The following C9 variants were observed in gnomAD, a reference collection of about 807,000 sequenced individuals.
C9 encodes complement component C9.
A neutral mutation model predicts 65.4 loss-of-function variants in C9; 63 were observed. The ratio of observed to expected loss-of-function variants is 0.96; its 90% CI spans 0.79 to 1.19. The LOEUF (loss-of-function observed/expected upper bound fraction) is 1.19, where lower values mean the gene tolerates loss of function less well. C9 is among the 50% of genes most tolerant of loss of function. The pLI, the probability that C9 is intolerant of heterozygous loss-of-function variation, is 0.00. For synonymous variants in C9, 229 were observed against 227.9 expected, an observed-to-expected ratio of 1.00 and a Z score of -0.04; for missense variants, 744 against 670.1, an observed-to-expected ratio of 1.11 and a Z score of -1.22.
At chr5:39,300,569 C>A (rs1753261354) in intron 9 of C9, among the ~76,000 whole-genome samples, 1 of 151,110 alleles carries the variant, frequency 6.6e-6, no homozygotes, top group Non-Finnish European at 1.5e-5. Flanking sequence ...ATGTGCATAC[C>A]AACAGAGACG....
chr5:39,299,072 C>G (rs977166612), intron 9 of C9, among the ~76,000 whole-genome samples: 3 of 151,850 alleles, frequency 2.0e-5, no homozygotes, highest in Non-Finnish European at 2.9e-5. Context: ...GTAAAACCTA[C>G]AGCTAACATC....
intron 1 of C9, among the ~76,000 whole-genome samples, chr5:39,353,574 G>T (rs1302040932): frequency 6.6e-6 from 1 of 152,152 alleles, no homozygotes; most frequent in African/African-American, 2.4e-5. Flanking sequence ...ACCTCCCCGT[G>T]TAATTTAGTT....
chr5:39,295,436 C>T (rs2111850866), intron 9 of C9, among the ~76,000 whole-genome samples: 1 of 151,506 alleles, frequency 6.6e-6, no homozygotes, highest in East Asian at 1.9e-4. Flanking sequence ...AAAAAGAATG[C>T]AAAAAGTCAA....
chr5:39,362,310 A>G (rs995828923), intron 1 of C9, among the ~76,000 whole-genome samples: 1 of 152,340 alleles, frequency 6.6e-6, no homozygotes, highest in South Asian at 2.1e-4. Flanking sequence ...CCTTTTAAAA[A>G]GGGGACATTT....
chr5:39,343,140 G>T (rs1047863915), intron 1 of C9, among the ~76,000 whole-genome samples: 1 of 152,100 alleles, frequency 6.6e-6, no homozygotes, highest in Non-Finnish European at 1.5e-5. Flanking sequence ...TCCAACTGAG[G>T]TACCGGGTTC....
chr5:39,314,792 T>G (rs1305837153), intron 6 of C9, among the ~76,000 whole-genome samples: 2 of 152,180 alleles, frequency 1.3e-5, no homozygotes, highest in African/African-American at 2.4e-5. Flanking sequence ...CCTACAGGCA[T>G]CCCTGCTTTC....
At chr5:39,336,890 G>A (rs1017460074) in intron 4 of C9, among the ~76,000 whole-genome samples, 2 of 151,980 alleles carry the variant, frequency 1.3e-5, no homozygotes, top group East Asian at 3.8e-4. Flanking sequence ...AGTTGATTAG[G>A]TAATCTTTCA....
At chr5:39,340,878 T>C (rs1449871365) in intron 4 of C9, among the ~76,000 whole-genome samples, 1 of 152,222 alleles carries the variant, frequency 6.6e-6, no homozygotes, top group East Asian at 1.9e-4. Context: ...ATTTCATCTC[T>C]TGCTCCACTG....
chr5:39,360,273 T>G lies in C9; in HGVS notation c.77+4115A>C, dbSNP rs1754492562. Among the ~76,000 whole-genome samples, 3 of 152,098 alleles carry G rather than the reference T, an allele frequency of 2.0e-5. No homozygotes were observed. The South Asian group carries it at 6.2e-4, about 31-fold the overall frequency. On this transcript the variant is annotated intron_variant, in intron 1 of 10. Transcript: ENST00000263408. The stretch of plus-strand genomic sequence containing the variant: ...TAGATATCTACTACTATTATTATTA[T>G]TATTATACTTTAAAGATGAGGACCT...
intron 4 of C9, among the ~76,000 whole-genome samples, chr5:39,333,616 T>TGGTCTCCCCTCTCCCTCTCTTTCCAC (rs374900458): frequency 0.35 from 45,523 of 131,948 alleles, 8,987 homozygotes; most frequent in Middle Eastern, 0.52. Context: ...CCCCTTTCCA[T>TGGTCTCCCCTCTCCCTCTCTTTCCAC]GGTCTCCCCT....
chr5:39,350,049 T>C (rs893849030), intron 1 of C9, among the ~76,000 whole-genome samples: 2 of 152,186 alleles, frequency 1.3e-5, no homozygotes, highest in Non-Finnish European at 2.9e-5. Flanking sequence ...GAAAAGAGGT[T>C]GATTGACTCA....
At chr5:39,337,218 C>G (rs700212) in intron 4 of C9, among the ~76,000 whole-genome samples, 23 of 152,162 alleles carry the variant, frequency 1.5e-4, no homozygotes, top group Non-Finnish European at 2.9e-5. Context: ...GAAACTATTA[C>G]CTTAAGACTT....
intron 4 of C9, among the ~76,000 whole-genome samples, chr5:39,340,424 G>C (rs953946062): frequency 6.6e-6 from 1 of 151,184 alleles, no homozygotes; most frequent in Non-Finnish European, 1.5e-5. Context: ...AAGAGAGGCT[G>C]TGTAGTAGAT....
At chr5:39,343,087 G>C (rs1246859003) in intron 1 of C9, among the ~76,000 whole-genome samples, 3 of 152,168 alleles carry the variant, frequency 2.0e-5, no homozygotes, top group Non-Finnish European at 4.4e-5. Context: ...CTCGTTTACA[G>C]CTCCCAGCGT....
chr5:39,307,490 GC>G (rs1753402797), intron 8 of C9, among the ~76,000 whole-genome samples: 1 of 152,088 alleles, frequency 6.6e-6, no homozygotes, highest in Admixed American at 6.6e-5. Flanking sequence ...GGCAAATTCA[GC>G]TTTTTTCCAC....
chr5:39,338,331 G>C (rs908157552), intron 4 of C9, among the ~76,000 whole-genome samples: 1 of 152,126 alleles, frequency 6.6e-6, no homozygotes, highest in Non-Finnish European at 1.5e-5. Flanking sequence ...AAGGAGGAGA[G>C]GGTAAGGTGG....
At chr5:39,329,239 CT>C (rs1285641888) in intron 5 of C9, among the ~76,000 whole-genome samples, 1 of 152,114 alleles carries the variant, frequency 6.6e-6, no homozygotes, top group Non-Finnish European at 1.5e-5. Context: ...GTCAGTAAGT[CT>C]TGACCTGCTG....
Position 39,342,083 on chromosome 5 carries a change from A to G in C9, c.183+8T>C, listed in dbSNP as rs1754097303. The G allele has an allele frequency of 2.0e-6, 3 of 1,467,750 alleles. No homozygotes were observed. Among genetic ancestry groups the G allele is most frequent in the Non-Finnish European group, 2.9e-6 (3 of 1,046,224 alleles). 90.9% of individuals were successfully genotyped at this position (1,467,750 alleles called of 1,614,324 possible). On this transcript the variant is annotated splice_region_variant and intron_variant, in intron 2 of 10. Coordinates refer to ENST00000263408, the MANE Select transcript of C9 (RefSeq NM_001737.5). ...GGAGGTCAGTGGGGAAGGGAGATGA[A>G]CACTTACCATTTGTCTGAGACAAGG... is the stretch of plus-strand genomic sequence containing the variant.
intron 10 of C9, 77 bp from the exon 11 acceptor site, chr5:39,285,310 TCACCTTCTTATCCTCTTG>T: frequency 9.0e-7 from 1 of 1,114,196 alleles, no homozygotes; most frequent in Non-Finnish European, 1.4e-6. Context: ...ATCCGCTTTT[TCACCTTCTTATCCTCTTG>T]CACCACGTTG....
Sources: gnomAD v4.1 joint callset for allele counts (sites outside exome capture counted in the v4.1 genomes callset) on GRCh38, gnomAD v4.1.1 for gene constraint, MANE v1.5 for transcripts, NCBI Gene and HGNC (gene_info 2026-07-23, HGNC 2026-07-21) for gene names.